UTS2: variants seen among roughly 807,000 people sequenced by gnomAD.
UTS2 encodes the protein urotensin 2.
Under a neutral mutation model 12.6 loss-of-function variants are expected in UTS2, and 10 were observed. That is an observed-to-expected ratio of 0.80 (90% CI 0.49 to 1.35). UTS2 has a LOEUF of 1.35. Ranked by LOEUF, UTS2 falls within the 40% of genes most tolerant of loss-of-function variation. UTS2 has a pLI of 0.00. For missense variants in UTS2, 142 were observed against 143.2 expected (o/e 0.99, Z 0.04); for synonymous variants, 52 against 50.0 (o/e 1.04, Z -0.17).
At chr1:7,867,877 A>AAAAT in the UTS2 span, among the ~76,000 whole-genome samples, 22 of 152,270 alleles carry the variant, frequency 1.4e-4, no homozygotes, top group South Asian at 2.1e-3. Context: ...CTCAGTCTCA[A>AAAAT]AAATAAATAA....
At chr1:7,855,047 G>T (rs1030342245), upstream of UTS2, among the ~76,000 whole-genome samples, 1 of 151,920 alleles carries the variant, frequency 6.6e-6, no homozygotes, top group Admixed American at 6.6e-5. Context: ...TGTAGTCCCA[G>T]CTACTTGGGA....
chr1:7,849,493 G>A, intron 3 of UTS2, 147 bp downstream of exon 3: 1 of 687,330 alleles, frequency 1.5e-6, no homozygotes, highest in Non-Finnish European at 2.3e-6. Flanking sequence ...TCACAGGCAT[G>A]AGCTACCGCG....
At chr1:7,877,134 AAAAAAAAAG>A in the UTS2 span, among the ~76,000 whole-genome samples, 21,707 of 113,950 alleles carry the variant, frequency 0.19, 1,801 homozygotes, top group South Asian at 0.27. Flanking sequence ...ATCAAAAAAA[AAAAAAAAAG>A]AAAAAAAAAA....
At chr1:7,874,856 T>C in the UTS2 span, among the ~76,000 whole-genome samples, 1 of 152,180 alleles carries the variant, frequency 6.6e-6, no homozygotes, top group Admixed American at 6.5e-5. Flanking sequence ...TCATGAGATC[T>C]GATGGTTTTA....
the UTS2 span, among the ~76,000 whole-genome samples, chr1:7,873,852 A>T: frequency 1.3e-5 from 2 of 152,194 alleles, no homozygotes; most frequent in Non-Finnish European, 2.9e-5. Flanking sequence ...GTTATCAAAT[A>T]GCATCATATG....
chr1:7,906,644 A>C, the UTS2 span, among the ~76,000 whole-genome samples: 1 of 152,076 alleles, frequency 6.6e-6, no homozygotes, highest in Non-Finnish European at 1.5e-5. Flanking sequence ...TACAGGCTGG[A>C]CAGAAAACTA....
the UTS2 span, among the ~76,000 whole-genome samples, chr1:7,871,724 CGCTGAGGTG>C: frequency 6.6e-6 from 1 of 152,108 alleles, no homozygotes; most frequent in African/African-American, 2.4e-5. Flanking sequence ...ATTATTATAT[CGCTGAGGTG>C]ACCTGTGCTC....
the UTS2 span, among the ~76,000 whole-genome samples, chr1:7,893,092 A>T: frequency 6.6e-6 from 1 of 152,226 alleles, no homozygotes; most frequent in Non-Finnish European, 1.5e-5. Context: ...TGTGGGCTGA[A>T]TAAAGTGATA....
chr1:7,875,735 TCACCAG>T, the UTS2 span, among the ~76,000 whole-genome samples: 7 of 152,036 alleles, frequency 4.6e-5, no homozygotes, highest in South Asian at 1.5e-3. Context: ...ACTTTTCCCA[TCACCAG>T]CACCAGCACC....
chr1:7,874,285 G>A, the UTS2 span, among the ~76,000 whole-genome samples: 9 of 152,292 alleles, frequency 5.9e-5, no homozygotes, highest in Non-Finnish European at 1.3e-4. Flanking sequence ...AGTATAGAGA[G>A]CCGCCTGCAT....
chr1:7,874,664 T>TC, the UTS2 span, among the ~76,000 whole-genome samples: 1 of 151,888 alleles, frequency 6.6e-6, no homozygotes, highest in Non-Finnish European at 1.5e-5. Context: ...ACCCCCACCA[T>TC]CCCCCCAGCA....
At chr1:7,909,294 C>G in the UTS2 span, among the ~76,000 whole-genome samples, 1 of 151,938 alleles carries the variant, frequency 6.6e-6, no homozygotes, top group South Asian at 2.1e-4. Flanking sequence ...CCTGTAATCC[C>G]AGCACTTTGG....
At chr1:7,879,586 C>T in the UTS2 span, among the ~76,000 whole-genome samples, 1 of 152,066 alleles carries the variant, frequency 6.6e-6, no homozygotes, top group Non-Finnish European at 1.5e-5. Context: ...ACTAAAAATA[C>T]AAAAATTAGC....
chr1:7,902,362 G>A, the UTS2 span, among the ~76,000 whole-genome samples: 1 of 152,168 alleles, frequency 6.6e-6, no homozygotes, highest in Admixed American at 6.5e-5. Context: ...GGGAAAGCGG[G>A]AAGTCGGGGA....
chr1:7,904,477 G>GT, the UTS2 span, among the ~76,000 whole-genome samples: 3 of 145,760 alleles, frequency 2.1e-5, no homozygotes, highest in Middle Eastern at 3.5e-3. Flanking sequence ...ACTCCATCTC[G>GT]TAAAAAAAAA....
chr1:7,903,851 G>T, the UTS2 span, among the ~76,000 whole-genome samples: 3 of 152,178 alleles, frequency 2.0e-5, no homozygotes, highest in Non-Finnish European at 4.4e-5. Flanking sequence ...CCTTCAGAAT[G>T]TGAGAGCTTT....
In UTS2 at chr1:7,852,947, T is replaced by TA; in HGVS notation, c.56dup (p.Leu19PhefsTer7). The TA allele has an allele frequency of 6.2e-7, 1 of 1,613,194 alleles. No homozygotes were observed. The highest frequency in any genetic ancestry group is 8.5e-7 in the Non-Finnish European group (1 of 1,179,668). ...CCCTGGAGTCAAGGAGAGGAAGAGA[T>TA]AAGAGAGGATTTAAGAATCCTATGA... On this transcript the variant is annotated frameshift_variant, in exon 1 of 4. Coordinates refer to ENST00000361696, the MANE Select transcript of UTS2 (RefSeq NM_006786.4). LOFTEE classifies it high-confidence loss of function.
At chr1:7,871,049 C>T in the UTS2 span, among the ~76,000 whole-genome samples, 4 of 152,184 alleles carry the variant, frequency 2.6e-5, no homozygotes, top group African/African-American at 4.8e-5. Context: ...CTAAAAGAAC[C>T]GTGTGAGGCT....
chr1:7,888,323 T>C, the UTS2 span, among the ~76,000 whole-genome samples: 10 of 152,240 alleles, frequency 6.6e-5, no homozygotes, highest in South Asian at 2.1e-3. Context: ...ATTTTCTTCC[T>C]TCCTCCTCCC....
Sources: allele counts gnomAD v4.1 joint callset (sites outside exome capture counted in the v4.1 genomes callset), GRCh38; gene constraint gnomAD v4.1.1; transcripts MANE v1.5; gene names NCBI Gene and HGNC (gene_info 2026-07-23, HGNC 2026-07-21).